SPAST: variants seen among roughly 807,000 people sequenced by gnomAD.
SPAST encodes spastin.
Under a neutral mutation model 76.6 loss-of-function variants are expected in SPAST, and 30 were observed. The observed-to-expected ratio is 0.39, with a 90% CI of 0.29 to 0.53. The LOEUF is 0.53. Ranked by LOEUF, SPAST falls within the 20% of genes least tolerant of loss-of-function variation. SPAST has a pLI of 0.68. For missense variants in SPAST, 717 were observed against 770.5 expected (o/e 0.93, Z 0.82); for synonymous variants, 305 against 281.0 (o/e 1.09, Z -0.86).
At chr2:32,088,860 G>C (rs991250214) in intron 2 of SPAST, among the ~76,000 whole-genome samples, 1 of 152,044 alleles carries the variant, frequency 6.6e-6, no homozygotes, top group Admixed American at 6.6e-5. Context: ...GCATGCATGG[G>C]CAATGAAAAG....
At chr2:32,117,255 A>G (rs1678870591) in intron 7 of SPAST, among the ~76,000 whole-genome samples, 1 of 152,114 alleles carries the variant, frequency 6.6e-6, no homozygotes, top group Non-Finnish European at 1.5e-5. Flanking sequence ...CCGTCTCAAA[A>G]AAATAAATAA....
intron 1 of SPAST, among the ~76,000 whole-genome samples, chr2:32,080,008 C>G (rs989382749): frequency 6.6e-6 from 1 of 152,170 alleles, no homozygotes; most frequent in Admixed American, 6.5e-5. Flanking sequence ...GAACTGCCAA[C>G]CTGTTTTCCA....
chr2:32,063,953 C>G lies in SPAST; in HGVS notation c.122C>G (p.Pro41Arg). The part of the protein sequence containing the change: ...PAPPAAGPAP[P>R]PESPHKRNLY... ...CCTCCCGCCGCCGGGCCGGCCCCTC[C>G]GCCCGAGTCGCCGCATAAGCGGAAC... The change falls in exon 1 of 17, where the codon CCG (proline) becomes CGG (arginine). Residue 41 changes from proline to arginine, a missense_variant. Physicochemically the swap from Pro to Arg is moderately radical, Grantham distance 103 (BLOSUM62 -2). Transcript: ENST00000315285. 1 of 1,610,996 alleles carries G rather than the reference C, an allele frequency of 6.2e-7. No individual in the cohort carries two copies. The highest frequency in any genetic ancestry group is 8.5e-7 in the Non-Finnish European group (1 of 1,178,614).
intron 1 of SPAST, among the ~76,000 whole-genome samples, chr2:32,075,492 A>G (rs1324086276): frequency 6.7e-6 from 1 of 149,614 alleles, no homozygotes; most frequent in Non-Finnish European, 1.5e-5. Flanking sequence ...AAAAAAAAAA[A>G]AGAGATGGAA....
Position 32,155,490 on chromosome 2 carries a change from A to G in SPAST, c.*994A>G, listed in dbSNP as rs749435623. 1 of 152,552 alleles carries G rather than the reference A, an allele frequency of 6.6e-6. No individual in the cohort carries two copies. Among genetic ancestry groups the G allele is most frequent in the Non-Finnish European group, 1.5e-5 (1 of 68,016 alleles). 9.4% of individuals were successfully genotyped at this position (152,552 alleles called of 1,614,324 possible). A position where few individuals can be genotyped will look rare whatever the true frequency, so the allele number is the denominator to read the frequency against. ...ATAATTATAAGCAAGTGGAACTACC[A>G]TCTTTTATTCTTAATAATTATTAAT... On this transcript the variant is annotated 3_prime_UTR_variant, in exon 17 of 17. Transcript: ENST00000315285.
chr2:32,102,632 G>A (rs1290474192), intron 4 of SPAST, among the ~76,000 whole-genome samples: 1 of 152,126 alleles, frequency 6.6e-6, no homozygotes, highest in Non-Finnish European at 1.5e-5. Context: ...TTATTATTTT[G>A]AGATACATCC....
In SPAST at chr2:32,119,302, G is replaced by C. The variant is rs1010844040; in HGVS notation, c.1098+3090G>C. On this transcript the variant is annotated intron_variant, in intron 7 of 16. Coordinates refer to ENST00000315285, the MANE Select transcript of SPAST (RefSeq NM_014946.4). Reference sequence around the variant, plus strand: ...ATGGGTAAGACTTATCCCATAACACGCCTCTATTGTGTAAAAAAATCAGCT... The same window carrying C: ...ATGGGTAAGACTTATCCCATAACACCCCTCTATTGTGTAAAAAAATCAGCT... Among the ~76,000 whole-genome samples, 5 of 152,144 alleles carry C rather than the reference G, an allele frequency of 3.3e-5. No individual in the cohort carries two copies. The South Asian group carries it at 1.0e-3, about 32-fold the overall frequency.
intron 1 of SPAST, among the ~76,000 whole-genome samples, chr2:32,070,675 G>A (rs1231088776): frequency 6.6e-6 from 1 of 152,144 alleles, no homozygotes; most frequent in Non-Finnish European, 1.5e-5. Flanking sequence ...TGTTGTTCAG[G>A]CTGGAGTGCA....
chr2:32,152,348 C>G (rs967601457), intron 16 of SPAST, among the ~76,000 whole-genome samples: 1 of 151,968 alleles, frequency 6.6e-6, no homozygotes, highest in African/African-American at 2.4e-5. Context: ...CCATTGGATC[C>G]CTTGAGCTCA....
rs201299645 is a variant in SPAST, at chr2:32,115,668, T to G, written c.871-34T>G. 2.3e-5 allele frequency: 34 copies of G among 1,508,884 alleles called. No individual in the cohort carries two copies. The East Asian group carries it at 6.8e-4, about 30-fold the overall frequency. The allele number at this position is 1,508,884 out of a possible 1,614,324, so 93.5% of individuals were successfully genotyped here. A position where few individuals can be genotyped will look rare whatever the true frequency, so the allele number is the denominator to read the frequency against. On this transcript the variant is annotated intron_variant, in intron 5 of 16. Coordinates refer to ENST00000315285, the MANE Select transcript of SPAST (RefSeq NM_014946.4). ...TTTATGAAAAGTGTAAATGTTAGGT[T>G]GTATTTTCATATTAAAATTTTGTAT...
intron 7 of SPAST, among the ~76,000 whole-genome samples, chr2:32,121,535 CTTTTTT>C (rs34519148): frequency 2.3e-4 from 24 of 102,740 alleles, no homozygotes; most frequent in African/African-American, 1.9e-4. Context: ...ATCTTTCTCA[CTTTTTT>C]TTTTTTTTTT....
chr2:32,102,384 G>A (rs1488670600), intron 4 of SPAST, among the ~76,000 whole-genome samples: 4 of 152,118 alleles, frequency 2.6e-5, no homozygotes, highest in Admixed American at 2.6e-4. Context: ...GAGATGATGG[G>A]GTTTTCTAAA....
rs141653399 is a variant in SPAST at position 32,114,077 on chromosome 2, G to A, written c.683-561G>A. On this transcript the variant is annotated intron_variant, in intron 4 of 16. Coordinates refer to ENST00000315285, the MANE Select transcript of SPAST (RefSeq NM_014946.4). ...TCCTGCCTCAGCCTCCCAGGTAGCT[G>A]GGATTACAGGCACAAATACTGTTTT... Among the ~76,000 whole-genome samples, 1,202 of 152,128 alleles carry A rather than the reference G, an allele frequency of 7.9e-3. 5 individuals are homozygous for A. The highest frequency in any genetic ancestry group is 0.012 in the Non-Finnish European group (786 of 67,990).
At chr2:32,065,309 C>T (rs967196883) in intron 1 of SPAST, among the ~76,000 whole-genome samples, 1 of 152,086 alleles carries the variant, frequency 6.6e-6, no homozygotes, top group African/African-American at 2.4e-5. Context: ...TGAGCCACCG[C>T]GCCTGGCCTT....
At chr2:32,064,281 C>T in intron 1 of SPAST, 35 bp downstream of exon 1, 5 of 325,576 alleles carry the variant, frequency 1.5e-5, no homozygotes, top group South Asian at 5.0e-5. Context: ...GCGGCGGCGC[C>T]GGGAAGAAGG....
chr2:32,065,905 A>G (rs184042765), intron 1 of SPAST: 3 of 152,200 alleles, frequency 2.0e-5, no homozygotes, highest in Admixed American at 6.5e-5. Flanking sequence ...AAGAGAGGTC[A>G]AGGAGGGTGT....
At chr2:32,092,907 T>G (rs535608097) in intron 3 of SPAST, among the ~76,000 whole-genome samples, 2 of 151,698 alleles carry the variant, frequency 1.3e-5, no homozygotes, top group Non-Finnish European at 2.9e-5. Flanking sequence ...CTCAGGAGGC[T>G]GAGTCAGGAG....
At chr2:32,104,397 C>T (rs962692302) in intron 4 of SPAST, among the ~76,000 whole-genome samples, 18 of 152,194 alleles carry the variant, frequency 1.2e-4, no homozygotes, top group East Asian at 9.7e-4. Context: ...GGTCTTGACT[C>T]GTTATCCAAT....
At chr2:32,067,720 T>C (rs1025387301) in intron 1 of SPAST, among the ~76,000 whole-genome samples, 2 of 150,806 alleles carry the variant, frequency 1.3e-5, no homozygotes, top group Non-Finnish European at 2.9e-5. Flanking sequence ...CATAGCTCAC[T>C]GCAGCCTCAA....
Sources: allele counts gnomAD v4.1 joint callset (sites outside exome capture counted in the v4.1 genomes callset), GRCh38; gene constraint gnomAD v4.1.1; transcripts MANE v1.5; gene names NCBI Gene and HGNC (gene_info 2026-07-23, HGNC 2026-07-21).